SLC24A2: variants seen among roughly 807,000 people sequenced by gnomAD.
SLC24A2 encodes the protein sodium/potassium/calcium exchanger 2.
Under a neutral mutation model 62.0 loss-of-function variants are expected in SLC24A2, and 36 were observed. The ratio of observed to expected loss-of-function variants is 0.58; its 90% confidence interval spans 0.44 to 0.77. SLC24A2 has a LOEUF of 0.77. SLC24A2 is among the 30% of genes least tolerant of loss of function. The pLI, the probability that SLC24A2 is intolerant of heterozygous loss-of-function variation, is 0.00. For synonymous variants in SLC24A2, 358 were observed against 294.0 expected, an observed-to-expected ratio of 1.22 and a Z score of -2.23; for missense variants, 846 against 817.9, an observed-to-expected ratio of 1.03 and a Z score of -0.42.
At chr9:19,853,687 T>C in the SLC24A2 span, among the ~76,000 whole-genome samples, 1 of 152,162 alleles carries the variant, frequency 6.6e-6, no homozygotes, top group Non-Finnish European at 1.5e-5. Context: ...AAGCTTTTTT[T>C]ATGTGCTGGT....
At chr9:19,641,848 T>C (rs1818503040) in intron 2 of SLC24A2, among the ~76,000 whole-genome samples, 1 of 152,220 alleles carries the variant, frequency 6.6e-6, no homozygotes, top group Non-Finnish European at 1.5e-5. Flanking sequence ...TACTCAGCTG[T>C]TCAAGCCAAA....
At chr9:20,172,139 C>T in the SLC24A2 span, among the ~76,000 whole-genome samples, 3 of 151,918 alleles carry the variant, frequency 2.0e-5, no homozygotes, top group African/African-American at 7.2e-5. Flanking sequence ...GAAATCAAAA[C>T]AGAAATTAAA....
the SLC24A2 span, among the ~76,000 whole-genome samples, chr9:19,851,229 C>T: frequency 0.99 from 148,246 of 149,642 alleles, 73,443 homozygotes; most frequent in Middle Eastern, 1. Context: ...TTCACGATGT[C>T]GGCTAAGCTG....
chr9:19,959,068 C>T, the SLC24A2 span, among the ~76,000 whole-genome samples: 1 of 152,264 alleles, frequency 6.6e-6, no homozygotes, highest in Non-Finnish European at 1.5e-5. Context: ...AAGATCCACA[C>T]TTTGCTTTTC....
the SLC24A2 span, among the ~76,000 whole-genome samples, chr9:20,118,386 G>T: frequency 2.3e-4 from 35 of 152,018 alleles, 1 homozygote; most frequent in East Asian, 6.0e-3. Flanking sequence ...ATTCTACCAA[G>T]AAACTAGAAA....
At chr9:19,557,113 C>T (rs1256600781) in intron 7 of SLC24A2, among the ~76,000 whole-genome samples, 2 of 152,186 alleles carry the variant, frequency 1.3e-5, no homozygotes. Flanking sequence ...TAGGCCAACC[C>T]TGAGTAACCC....
chr9:19,678,164 G>A (rs963512124), intron 2 of SLC24A2, among the ~76,000 whole-genome samples: 3 of 152,150 alleles, frequency 2.0e-5, no homozygotes, highest in African/African-American at 7.2e-5. Context: ...GATGTGGGTG[G>A]CAAGCCTAGC....
At chr9:19,939,211 C>A in the SLC24A2 span, among the ~76,000 whole-genome samples, 1 of 152,196 alleles carries the variant, frequency 6.6e-6, no homozygotes, top group Non-Finnish European at 1.5e-5. Context: ...CCCTCTAAAC[C>A]TGAGAACAAA....
At chr9:20,122,973 C>T in the SLC24A2 span, among the ~76,000 whole-genome samples, 1 of 152,198 alleles carries the variant, frequency 6.6e-6, no homozygotes, top group Non-Finnish European at 1.5e-5. Context: ...AGACCAGCAA[C>T]ATCTACTGAT....
At chr9:19,570,668 G>A (rs1835811340) in intron 7 of SLC24A2, among the ~76,000 whole-genome samples, 6 of 152,156 alleles carry the variant, frequency 3.9e-5, no homozygotes, top group Admixed American at 3.9e-4. Context: ...TCTGTAATAA[G>A]GGCTTTATGT....
intron 2 of SLC24A2, among the ~76,000 whole-genome samples, chr9:19,761,487 A>ATT (rs1822328006): frequency 6.6e-6 from 1 of 150,932 alleles, no homozygotes; most frequent in African/African-American, 2.4e-5. Flanking sequence ...ATTTTATTTT[A>ATT]TTTTATTATT....
At chr9:19,571,525 T>C (rs112198362) in intron 7 of SLC24A2, among the ~76,000 whole-genome samples, 2 of 152,224 alleles carry the variant, frequency 1.3e-5, no homozygotes, top group African/African-American at 4.8e-5. Context: ...TTTCAAACTT[T>C]AGGGTAGTGC....
At chr9:19,867,184 A>G in the SLC24A2 span, among the ~76,000 whole-genome samples, 1 of 152,140 alleles carries the variant, frequency 6.6e-6, no homozygotes, top group Non-Finnish European at 1.5e-5. Context: ...ATGCCCCATA[A>G]ATATATACAC....
the SLC24A2 span, among the ~76,000 whole-genome samples, chr9:19,963,920 G>A: frequency 1.3e-5 from 2 of 152,014 alleles, no homozygotes; most frequent in African/African-American, 4.8e-5. Context: ...ACATGCACAC[G>A]TATGTTTATA....
At chr9:20,075,889 C>G in the SLC24A2 span, among the ~76,000 whole-genome samples, 1 of 152,190 alleles carries the variant, frequency 6.6e-6, no homozygotes, top group Non-Finnish European at 1.5e-5. Flanking sequence ...TACCAAAATT[C>G]ATGGATACTC....
the SLC24A2 span, among the ~76,000 whole-genome samples, chr9:19,817,513 A>T: frequency 6.6e-6 from 1 of 151,840 alleles, no homozygotes; most frequent in Admixed American, 6.6e-5. Context: ...CATTTTATGT[A>T]TATTCATTTT....
At chr9:19,886,946 G>A in the SLC24A2 span, among the ~76,000 whole-genome samples, 1 of 152,090 alleles carries the variant, frequency 6.6e-6, no homozygotes, top group Non-Finnish European at 1.5e-5. Context: ...GCAAACTAAC[G>A]CAGGAACAGA....
the SLC24A2 span, among the ~76,000 whole-genome samples, chr9:20,060,342 A>C: frequency 6.6e-6 from 1 of 152,142 alleles, no homozygotes; most frequent in African/African-American, 2.4e-5. Context: ...AGTCAGACAG[A>C]GATATCACAG....
At chr9:19,848,447 T>C in the SLC24A2 span, among the ~76,000 whole-genome samples, 2 of 152,180 alleles carry the variant, frequency 1.3e-5, no homozygotes, top group Non-Finnish European at 2.9e-5. Flanking sequence ...CAATTTATTA[T>C]TGGTGTGGAG....
Sources: gnomAD v4.1 joint callset for allele counts (sites outside exome capture counted in the v4.1 genomes callset) on GRCh38, gnomAD v4.1.1 for gene constraint, MANE v1.5 for transcripts, NCBI Gene and HGNC (gene_info 2026-07-23, HGNC 2026-07-21) for gene names.